SEMA6D: variants seen among roughly 807,000 people sequenced by gnomAD.
The protein encoded by SEMA6D is semaphorin 6D.
Under a neutral mutation model 106.6 loss-of-function variants are expected in SEMA6D, and 35 were observed. That is an observed-to-expected ratio of 0.33 (90% CI 0.25 to 0.44). SEMA6D has a LOEUF of 0.44. SEMA6D is among the 20% of genes least tolerant of loss of function. SEMA6D has a pLI of 1.00. For synonymous variants in SEMA6D, 499 were observed against 487.7 expected, an observed-to-expected ratio of 1.02 and a Z score of -0.31; for missense variants, 1,185 against 1,345.9, an observed-to-expected ratio of 0.88 and a Z score of 1.87.
chr15:47,431,243 TATC>T (rs1474315959), intron 2 of SEMA6D, among the ~76,000 whole-genome samples: 2 of 152,150 alleles, frequency 1.3e-5, no homozygotes, highest in Non-Finnish European at 2.9e-5. Flanking sequence ...AAGGGACTTT[TATC>T]ATACAATTGA....
chr15:47,358,451 A>T (rs372577737), intron 1 of SEMA6D, among the ~76,000 whole-genome samples: 10 of 152,330 alleles, frequency 6.6e-5, no homozygotes, highest in African/African-American at 2.4e-4. Flanking sequence ...TTAGACTGTA[A>T]TTGCTTCCTA....
intron 1 of SEMA6D, among the ~76,000 whole-genome samples, chr15:47,226,548 A>G (rs1399153631): frequency 6.6e-6 from 1 of 152,078 alleles, no homozygotes; most frequent in Non-Finnish European, 1.5e-5. Flanking sequence ...TTCCTTTTAA[A>G]TTTCTAATTC....
At chr15:47,385,587 C>T (rs976129686) in intron 1 of SEMA6D, among the ~76,000 whole-genome samples, 1 of 152,024 alleles carries the variant, frequency 6.6e-6, no homozygotes, top group Non-Finnish European at 1.5e-5. Context: ...GAACTCAAAG[C>T]GTACAGGTCC....
chr15:47,452,262 T>C (rs1444321741), intron 2 of SEMA6D, among the ~76,000 whole-genome samples: 1 of 151,560 alleles, frequency 6.6e-6, no homozygotes. Context: ...CATTCAGTCT[T>C]ATAGAAACCT....
chr15:47,424,398 A>G (rs987246691), intron 2 of SEMA6D, among the ~76,000 whole-genome samples: 4 of 152,114 alleles, frequency 2.6e-5, no homozygotes, highest in African/African-American at 9.7e-5. Context: ...TTGTGCTTTC[A>G]ATTGCTTCTA....
intron 1 of SEMA6D, among the ~76,000 whole-genome samples, chr15:47,736,684 G>T (rs778126761): frequency 2.0e-5 from 3 of 152,106 alleles, no homozygotes; most frequent in Non-Finnish European, 4.4e-5. Context: ...ATTTAAATAA[G>T]CCAGAACTTC....
At chr15:47,256,526 T>G (rs1179521328) in intron 1 of SEMA6D, among the ~76,000 whole-genome samples, 1 of 152,222 alleles carries the variant, frequency 6.6e-6, no homozygotes. Flanking sequence ...TTGTGTTGAT[T>G]GATGTGCTGA....
chr15:47,766,257 C>T, intron 15 of SEMA6D, 75 bp downstream of exon 15: 1 of 1,292,652 alleles, frequency 7.7e-7, no homozygotes, highest in South Asian at 1.3e-5. Flanking sequence ...TTGCAGAAAA[C>T]TTCCAATTAT....
At chr15:47,770,254 A>T (rs1319136174) in intron 18 of SEMA6D, among the ~76,000 whole-genome samples, 1 of 152,188 alleles carries the variant, frequency 6.6e-6, no homozygotes, top group Non-Finnish European at 1.5e-5. Flanking sequence ...GGAGGAAAAG[A>T]ACAGAAGAAT....
chr15:47,703,983 C>A (rs751414420), intron 4 of SEMA6D, among the ~76,000 whole-genome samples: 4 of 152,252 alleles, frequency 2.6e-5, no homozygotes, highest in African/African-American at 9.6e-5. Flanking sequence ...GTTGCAAAAA[C>A]CCAGGGATTT....
chr15:47,412,890 A>G (rs1039860555), intron 2 of SEMA6D, among the ~76,000 whole-genome samples: 7 of 152,198 alleles, frequency 4.6e-5, no homozygotes, highest in African/African-American at 1.7e-4. Context: ...GGGTCCAGAT[A>G]TTTGGTTTCT....
At position 47,540,044 on chromosome 15, in the gene SEMA6D, CTGTG is replaced by C. The variant is rs34146724; in HGVS notation, c.-86-60807_-86-60804del. On this transcript the variant is annotated intron_variant, in intron 3 of 19. Transcript: ENST00000558014. ...TGATTTGAAAGACTTTTATATTTAG[CTGTG>C]TGTGTGTGTGTGTTTGTGTGTGTGT... is the stretch of plus-strand genomic sequence containing the variant. 3.3e-5 allele frequency among the ~76,000 whole-genome samples: 5 copies of C among 150,582 alleles called. 1 individual carries two copies. The South Asian group carries it at 8.4e-4, about 25-fold the overall frequency.
intron 1 of SEMA6D, among the ~76,000 whole-genome samples, chr15:47,381,002 T>G (rs182198144): frequency 6.6e-6 from 1 of 152,106 alleles, no homozygotes; most frequent in African/African-American, 2.4e-5. Context: ...CAGCTGCAAT[T>G]AAAAAACAAG....
intron 1 of SEMA6D, among the ~76,000 whole-genome samples, chr15:47,407,406 C>CAAAAA (rs1231097214): frequency 2.8e-5 from 3 of 105,832 alleles, no homozygotes; most frequent in Non-Finnish European, 5.8e-5. Context: ...ACAACAACAA[C>CAAAAA]AACAAAAAAA....
chr15:47,701,627 G>C (rs1375371710), intron 4 of SEMA6D, among the ~76,000 whole-genome samples: 1 of 152,126 alleles, frequency 6.6e-6, no homozygotes, highest in Non-Finnish European at 1.5e-5. Context: ...GAATAAATAT[G>C]CACAATTTGT....
intron 3 of SEMA6D, among the ~76,000 whole-genome samples, chr15:47,552,817 AAT>A (rs1456894382): frequency 7.4e-5 from 1 of 13,492 alleles, no homozygotes; most frequent in Admixed American, 1.8e-3. Context: ...AATATATATA[AAT>A]ATATATATTT....
At position 47,657,719 on chromosome 15, in the gene SEMA6D, C is replaced by CTTTTTTTT. The variant is rs71118191; in HGVS notation, c.-55+56856_-55+56863dup. ...CATTTAGTGACAGAGGGCTTCATTTCTTTTTTTTTTTTTTTTTTTTTTTTT... is the reference window on the plus strand; with the variant it reads ...CATTTAGTGACAGAGGGCTTCATTTCTTTTTTTTTTTTTTTTTTTTTTTTTTTTTTTTT... On this transcript the variant is annotated intron_variant, in intron 4 of 19. Transcript: ENST00000558014. Among the ~76,000 whole-genome samples the CTTTTTTTT allele has an allele frequency of 6.3e-3, 346 of 54,678 alleles. 105 individuals carry two copies. The highest frequency in any genetic ancestry group is 8.9e-3 in the African/African-American group (105 of 11,746). The allele number at this position is 54,678 out of a possible 152,430, so 35.9% of individuals were successfully genotyped here. A position where few individuals can be genotyped will look rare whatever the true frequency, so the allele number is the denominator to read the frequency against.
intron 1 of SEMA6D, among the ~76,000 whole-genome samples, chr15:47,237,242 A>G (rs922324826): frequency 6.6e-6 from 1 of 152,180 alleles, no homozygotes; most frequent in African/African-American, 2.4e-5. Flanking sequence ...GAATTTAATA[A>G]GTTCTATTAC....
intron 1 of SEMA6D, among the ~76,000 whole-genome samples, chr15:47,330,113 C>G (rs2037285881): frequency 6.6e-6 from 1 of 152,210 alleles, no homozygotes; most frequent in South Asian, 2.1e-4. Context: ...AAAACATGCA[C>G]AGTCTCTTGT....
Sources: allele counts gnomAD v4.1 joint callset (sites outside exome capture counted in the v4.1 genomes callset), GRCh38; gene constraint gnomAD v4.1.1; transcripts MANE v1.5; gene names NCBI Gene and HGNC (gene_info 2026-07-23, HGNC 2026-07-21).